Variants in THEMIS observed in about 807,000 individuals in gnomAD.
THEMIS encodes the protein thymocyte selection associated.
A neutral mutation model predicts 52.6 loss-of-function variants in THEMIS; 37 were observed. The observed-to-expected ratio is 0.70, with a 90% confidence interval of 0.54 to 0.93. The LOEUF (loss-of-function observed/expected upper bound fraction) is 0.93. Ranked by LOEUF, THEMIS falls within the 40% of genes least tolerant of loss-of-function variation. The pLI, the probability that THEMIS is intolerant of heterozygous loss-of-function variation, is 0.00. For synonymous variants in THEMIS, 292 were observed against 272.7 expected (o/e 1.07, Z -0.70); for missense variants, 808 against 763.1 (o/e 1.06, Z -0.69).
intron 4 of THEMIS, among the ~76,000 whole-genome samples, chr6:127,767,190 C>A (rs2114417781): frequency 6.6e-6 from 1 of 151,946 alleles, no homozygotes; most frequent in South Asian, 2.1e-4. Flanking sequence ...CTCCCGGGTT[C>A]AAGTGATTCT....
chr6:127,697,381 A>C, the THEMIS span, among the ~76,000 whole-genome samples: 2 of 152,122 alleles, frequency 1.3e-5, no homozygotes, highest in Non-Finnish European at 2.9e-5. Context: ...GGATTGTTGC[A>C]TTAGCCCCCT....
intron 1 of THEMIS, among the ~76,000 whole-genome samples, chr6:127,890,828 C>T (rs1213215645): frequency 6.6e-6 from 1 of 151,772 alleles, no homozygotes; most frequent in Non-Finnish European, 1.5e-5. Context: ...TTTTATCTTT[C>T]TTTTTTATAA....
At chr6:127,733,607 C>A (rs1418213633) in intron 4 of THEMIS, among the ~76,000 whole-genome samples, 2 of 152,106 alleles carry the variant, frequency 1.3e-5, no homozygotes, top group African/African-American at 4.8e-5. Context: ...AAACAGGTAC[C>A]AGCTTTACGA....
At chr6:127,749,322 A>T (rs895786887) in intron 4 of THEMIS, among the ~76,000 whole-genome samples, 1 of 152,086 alleles carries the variant, frequency 6.6e-6, no homozygotes, top group Non-Finnish European at 1.5e-5. Context: ...GTAAGCAAAG[A>T]AACTGAGCTC....
At chr6:127,811,991 GGCT>G (rs1471799558) in intron 4 of THEMIS, among the ~76,000 whole-genome samples, 2 of 152,128 alleles carry the variant, frequency 1.3e-5, no homozygotes, top group Admixed American at 1.3e-4. Context: ...TGAAGCCTAA[GGCT>G]GCTATTATTT....
intron 5 of THEMIS, 36 bp downstream of exon 5, chr6:127,719,652 C>T: frequency 6.4e-7 from 1 of 1,558,900 alleles, no homozygotes; most frequent in South Asian, 1.2e-5. Flanking sequence ...ACAGTTAAAC[C>T]ACCGTGGTTT....
intron 1 of THEMIS, among the ~76,000 whole-genome samples, chr6:127,885,283 T>C (rs182615997): frequency 6.6e-6 from 1 of 152,174 alleles, no homozygotes; most frequent in African/African-American, 2.4e-5. Context: ...TTCTAAACAA[T>C]TTTCTCTCAT....
At chr6:127,898,198 T>C (rs2114495813) in intron 1 of THEMIS, among the ~76,000 whole-genome samples, 1 of 151,898 alleles carries the variant, frequency 6.6e-6, no homozygotes, top group South Asian at 2.1e-4. Flanking sequence ...TGAATGTGTT[T>C]ACACTGTGAA....
At chr6:127,740,511 C>G (rs1225513099) in intron 4 of THEMIS, among the ~76,000 whole-genome samples, 1 of 152,164 alleles carries the variant, frequency 6.6e-6, no homozygotes, top group South Asian at 2.1e-4. Context: ...CCAACTGGTT[C>G]TCCTGAAAGT....
At chr6:127,728,962 C>G (rs1774648243) in intron 4 of THEMIS, among the ~76,000 whole-genome samples, 1 of 152,078 alleles carries the variant, frequency 6.6e-6, no homozygotes, top group Non-Finnish European at 1.5e-5. Context: ...ACATTTGTAT[C>G]TTCAAATACA....
At chr6:127,907,337 A>ATTTTTGTTTTTTTTTTT (rs1781297869) in intron 1 of THEMIS, among the ~76,000 whole-genome samples, 2 of 49,448 alleles carry the variant, frequency 4.0e-5, no homozygotes, top group Non-Finnish European at 7.5e-5. Context: ...TTAGGCTCGG[A>ATTTTTGTTTTTTTTTTT]TTTTTTTTTT....
intron 2 of THEMIS, among the ~76,000 whole-genome samples, chr6:127,849,782 A>G (rs1462356364): frequency 2.0e-5 from 3 of 152,066 alleles, no homozygotes; most frequent in Non-Finnish European, 4.4e-5. Context: ...ACCTGAAACC[A>G]TAAAGTTTTG....
intron 4 of THEMIS, among the ~76,000 whole-genome samples, chr6:127,739,848 C>T (rs887633546): frequency 6.7e-6 from 1 of 149,398 alleles, no homozygotes; most frequent in African/African-American, 2.5e-5. Context: ...TCTGATATTC[C>T]TGTCTAAGGT....
At chr6:127,852,724 T>C (rs1779472378) in intron 2 of THEMIS, among the ~76,000 whole-genome samples, 1 of 151,602 alleles carries the variant, frequency 6.6e-6, no homozygotes, top group African/African-American at 2.4e-5. Flanking sequence ...GTATCTTTGA[T>C]TTCTATCTTT....
chr6:127,793,995 T>A (rs1282500338), intron 4 of THEMIS, among the ~76,000 whole-genome samples: 2 of 152,190 alleles, frequency 1.3e-5, no homozygotes, highest in Non-Finnish European at 2.9e-5. Flanking sequence ...GCATCGTATT[T>A]AAAGCCTAAA....
rs898665069 is a variant in THEMIS, at chr6:127,813,409, A to G, written c.1232T>C (p.Leu411Pro). 1 of 1,613,976 alleles carries G rather than the reference A, an allele frequency of 6.2e-7. No individual in the cohort carries two copies. The highest frequency in any genetic ancestry group is 8.5e-7 in the Non-Finnish European group (1 of 1,179,942). Residue 411 changes from leucine to proline, a missense_variant, in exon 4 of 6, where the codon CTG becomes CCG. By Grantham distance (98) the Leu-to-Pro change is moderately conservative. Transcript: ENST00000368248. ...CTTTTTGAGGATTTTTTCACAGGCCAGAACATTCACCACTTTTTTTATTCC... is the reference window on the plus strand; with the variant it reads ...CTTTTTGAGGATTTTTTCACAGGCCGGAACATTCACCACTTTTTTTATTCC... ...CEGIKKVVNV[L>P]ACEKILKKSY...
At chr6:127,890,599 C>A (rs904678050) in intron 1 of THEMIS, among the ~76,000 whole-genome samples, 4 of 151,822 alleles carry the variant, frequency 2.6e-5, no homozygotes, top group Non-Finnish European at 5.9e-5. Flanking sequence ...GGAATAGTCC[C>A]AAAACAAAGA....
At chr6:127,769,990 T>C (rs1168098496) in intron 4 of THEMIS, among the ~76,000 whole-genome samples, 1 of 152,242 alleles carries the variant, frequency 6.6e-6, no homozygotes, top group African/African-American at 2.4e-5. Context: ...CCATGGTGTA[T>C]ATTTGCCACA....
At chr6:127,711,841 G>C (rs560517077) in intron 5 of THEMIS, among the ~76,000 whole-genome samples, 4 of 151,956 alleles carry the variant, frequency 2.6e-5, no homozygotes, top group African/African-American at 7.2e-5. Flanking sequence ...TAAATGAATT[G>C]TAGTACAGAG....
Sources: allele counts gnomAD v4.1 joint callset (sites outside exome capture counted in the v4.1 genomes callset), GRCh38; gene constraint gnomAD v4.1.1; transcripts MANE v1.5; gene names NCBI Gene and HGNC (gene_info 2026-07-23, HGNC 2026-07-21).